BTBD16: variants seen among roughly 807,000 people sequenced by gnomAD.
The protein encoded by BTBD16 is BTB domain containing 16.
BTBD16 carries 66 observed loss-of-function variants against 67.4 expected under a neutral mutation model. The ratio of observed to expected loss-of-function variants is 0.98; its 90% CI spans 0.80 to 1.20. The LOEUF (loss-of-function observed/expected upper bound fraction) is 1.20, where lower values mean the gene tolerates loss of function less well. Among genes scored for constraint, BTBD16 ranks in the 50% most tolerant of loss-of-function variants. The pLI is 0.00. For missense variants in BTBD16, 634 were observed against 616.0 expected (o/e 1.03, Z -0.31); for synonymous variants, 242 against 236.4 (o/e 1.02, Z -0.22).
rs1185239994 is a variant in BTBD16 at position 122,332,447 on chromosome 10, G to A, written c.1098G>A (p.Gly366=). 1 of 1,614,048 alleles carries A rather than the reference G, an allele frequency of 6.2e-7. No individual in the cohort carries two copies. The highest frequency in any genetic ancestry group is 2.2e-5 in the East Asian group (1 of 44,856). Reference sequence around the variant, plus strand: ...CATTTTCCTTTCAGCTGGAGAATGGGGGCGACATGGTCCACCTGAAAGATC... The same window carrying A: ...CATTTTCCTTTCAGCTGGAGAATGGAGGCGACATGGTCCACCTGAAAGATC... ...TVNHYHALEN[G]GDMVHLKDLN... The change falls in exon 13 of 16, where the codon GGG becomes GGA. Residue 366 remains glycine, a synonymous_variant. Transcript: ENST00000260723.
chr10:122,293,918 C>T (rs1157321430), intron 7 of BTBD16, among the ~76,000 whole-genome samples: 2 of 152,214 alleles, frequency 1.3e-5, no homozygotes, highest in Admixed American at 6.5e-5. Flanking sequence ...TCAGAACTCT[C>T]GCCCTGGCTT....
chr10:122,275,337 T>A (rs1275556657), intron 2 of BTBD16, among the ~76,000 whole-genome samples: 1 of 152,188 alleles, frequency 6.6e-6, no homozygotes, highest in African/African-American at 2.4e-5. Flanking sequence ...GGACTACATC[T>A]AGACTCAGAT....
chr10:122,330,907 G>A (rs542977548), intron 11 of BTBD16, among the ~76,000 whole-genome samples: 17 of 152,246 alleles, frequency 1.1e-4, no homozygotes, highest in Admixed American at 9.8e-4. Context: ...TTTAGTAGTG[G>A]TGGGGTTTCG....
At position 122,304,218 on chromosome 10, in the gene BTBD16, A is replaced by G. The variant is rs139335798; in HGVS notation, c.792-2971A>G. On this transcript the variant is annotated intron_variant, in intron 9 of 15. Transcript: ENST00000260723. ...TCCTGTCTGGCCAGAGTCAAAGTCC[A>G]TGCATTTGTAGGTGGCCTGAAAACC... 2.6e-5 allele frequency among the ~76,000 whole-genome samples: 4 copies of G among 152,352 alleles called. No homozygotes were observed. The East Asian group carries it at 5.8e-4, about 22-fold the overall frequency.
chr10:122,314,109 T>C (rs1311509706), intron 10 of BTBD16, among the ~76,000 whole-genome samples: 1 of 152,202 alleles, frequency 6.6e-6, no homozygotes, highest in East Asian at 1.9e-4. Flanking sequence ...AAGAAAATGC[T>C]GAGATTTTGA....
chr10:122,310,643 A>C (rs2096412154), intron 10 of BTBD16, among the ~76,000 whole-genome samples: 1 of 152,206 alleles, frequency 6.6e-6, no homozygotes, highest in African/African-American at 2.4e-5. Context: ...ACCCCAGGGG[A>C]GACAGTAAAC....
At position 122,334,879 on chromosome 10, in the gene BTBD16, A is replaced by C. The variant is rs1565037744; in HGVS notation, c.1165-2A>C. ...CTTTGTTGTTTCTCTTTCCCAATTTAGGAGAATACAACTTATTCGAAAACG... is the reference window on the plus strand; with the variant it reads ...CTTTGTTGTTTCTCTTTCCCAATTTCGGAGAATACAACTTATTCGAAAACG... On this transcript the variant is annotated splice_acceptor_variant, in intron 13 of 15. Coordinates refer to ENST00000260723, the MANE Select transcript of BTBD16 (RefSeq NM_144587.5). LOFTEE classifies it high-confidence loss of function. The C allele has an allele frequency of 6.5e-7, 1 of 1,529,044 alleles. No homozygotes were observed. Among genetic ancestry groups the C allele is most frequent in the Admixed American group, 1.8e-5 (1 of 56,604 alleles). The allele number at this position is 1,529,044 out of a possible 1,614,324, so 94.7% of individuals were successfully genotyped here.
chr10:122,331,393 G>C (rs2133320441), intron 12 of BTBD16, 135 bp downstream of exon 12: 1 of 1,308,120 alleles, frequency 7.6e-7, no homozygotes, highest in Middle Eastern at 1.9e-4. Context: ...ATCTTCCAGG[G>C]AAAGTGGGGA....
In BTBD16 at chr10:122,301,154, G is replaced by A. The variant is rs927860298; in HGVS notation, c.791+2020G>A. On this transcript the variant is annotated intron_variant, in intron 9 of 15. Coordinates refer to ENST00000260723, the MANE Select transcript of BTBD16 (RefSeq NM_144587.5). ...CACTCCCCAGCGGAGCAAAGGTTGC[G>A]CAATTGTTGAGGAAAAGATAAACAT... 2.6e-5 allele frequency among the ~76,000 whole-genome samples: 4 copies of A among 151,966 alleles called. No individual in the cohort carries two copies. The East Asian group carries it at 5.8e-4, about 22-fold the overall frequency.
intron 5 of BTBD16, among the ~76,000 whole-genome samples, chr10:122,286,784 G>T (rs1342170497): frequency 6.6e-6 from 1 of 152,038 alleles, no homozygotes; most frequent in Non-Finnish European, 1.5e-5. Context: ...CAGAAAGAAT[G>T]TAGGCCACTT....
At chr10:122,312,309 CTTTTTTTTTTTT>C (rs58045019) in intron 10 of BTBD16, among the ~76,000 whole-genome samples, 63 of 105,606 alleles carry the variant, frequency 6.0e-4, no homozygotes, top group African/African-American at 2.1e-3. Context: ...TTTTCTTTTT[CTTTTTTTTTTTT>C]TTTTTTTTTT....
intron 10 of BTBD16, among the ~76,000 whole-genome samples, chr10:122,313,379 C>T (rs993663208): frequency 6.6e-6 from 1 of 151,500 alleles, no homozygotes; most frequent in East Asian, 1.9e-4. Flanking sequence ...ATTCTGCTCC[C>T]TCAGCCTCCT....
chr10:122,312,692 G>A (rs967558402), intron 10 of BTBD16, among the ~76,000 whole-genome samples: 15 of 152,102 alleles, frequency 9.9e-5, no homozygotes, highest in Admixed American at 5.9e-4. Context: ...CTGCTAATGA[G>A]GTTGAGCATT....
chr10:122,296,893 G>A (rs1221538387), intron 7 of BTBD16, among the ~76,000 whole-genome samples: 2 of 152,238 alleles, frequency 1.3e-5, no homozygotes, highest in Non-Finnish European at 2.9e-5. Context: ...AGCTGTGCCA[G>A]CCCTGACATT....
chr10:122,297,808 A>G lies in BTBD16; in HGVS notation c.631A>G (p.Ile211Val). The change falls in exon 8 of 16, where the codon ATC (isoleucine) becomes GTC (valine). Residue 211 changes from isoleucine to valine, a missense_variant. Coordinates refer to ENST00000260723, the MANE Select transcript of BTBD16 (RefSeq NM_144587.5). ...VMIARLKPSTIKKFYEAGCKY... is the reference protein window; with the variant it reads ...VMIARLKPSTVKKFYEAGCKY... ...GATAGCCAGACTCAAGCCAAGCACC[A>G]TCAAGAAATTCTACGAGGCCGGCTG... 1 of 1,614,214 alleles carries G rather than the reference A, an allele frequency of 6.2e-7. No homozygotes were observed. Among genetic ancestry groups the G allele is most frequent in the Non-Finnish European group, 8.5e-7 (1 of 1,180,028 alleles).
intron 10 of BTBD16, among the ~76,000 whole-genome samples, chr10:122,325,323 T>C (rs1485344273): frequency 1.3e-5 from 2 of 152,160 alleles, no homozygotes; most frequent in Non-Finnish European, 2.9e-5. Context: ...ACACAAACCC[T>C]GTCATCATGG....
intron 9 of BTBD16, among the ~76,000 whole-genome samples, chr10:122,300,051 A>G (rs1564983162): frequency 6.6e-6 from 1 of 152,182 alleles, no homozygotes; most frequent in Non-Finnish European, 1.5e-5. Flanking sequence ...ACAGAAATTC[A>G]TGGAGATGTT....
At chr10:122,305,674 T>C (rs1289543380) in intron 9 of BTBD16, among the ~76,000 whole-genome samples, 3 of 152,184 alleles carry the variant, frequency 2.0e-5, no homozygotes, top group African/African-American at 7.2e-5. Flanking sequence ...AGATATTTCT[T>C]TGTAGCAATT....
chr10:122,282,388 G>A (rs1307952573), intron 3 of BTBD16, among the ~76,000 whole-genome samples: 1 of 152,222 alleles, frequency 6.6e-6, no homozygotes, highest in Non-Finnish European at 1.5e-5. Flanking sequence ...GTCATTGGCA[G>A]CCATCCTCCC....
Sources: allele counts gnomAD v4.1 joint callset (sites outside exome capture counted in the v4.1 genomes callset), GRCh38; gene constraint gnomAD v4.1.1; transcripts MANE v1.5; gene names NCBI Gene and HGNC (gene_info 2026-07-23, HGNC 2026-07-21).